SEZ6L: variants seen among roughly 807,000 people sequenced by gnomAD.
SEZ6L encodes the protein seizure 6-like protein.
A neutral mutation model predicts 106.2 loss-of-function variants in SEZ6L; 37 were observed. The observed-to-expected ratio is 0.35, with a 90% confidence interval of 0.27 to 0.46. The LOEUF is 0.46. Ranked by LOEUF, SEZ6L falls within the 20% of genes least tolerant of loss-of-function variation. SEZ6L has a pLI of 1.00. For missense variants in SEZ6L, 1,172 were observed against 1,332.8 expected, an observed-to-expected ratio of 0.88 and a Z score of 1.88; for synonymous variants, 541 against 570.4, an observed-to-expected ratio of 0.95 and a Z score of 0.73.
chr22:26,286,510 A>G (rs941340457), intron 1 of SEZ6L, among the ~76,000 whole-genome samples: 3 of 152,214 alleles, frequency 2.0e-5, no homozygotes, highest in African/African-American at 7.2e-5. Flanking sequence ...TCTGCATTGC[A>G]ATTTGTTTTA....
At chr22:26,222,216 G>A (rs1357838664) in intron 1 of SEZ6L, among the ~76,000 whole-genome samples, 1 of 152,140 alleles carries the variant, frequency 6.6e-6, no homozygotes, top group African/African-American at 2.4e-5. Flanking sequence ...GCATGCTCAG[G>A]GAACTGCTGC....
intron 10 of SEZ6L, among the ~76,000 whole-genome samples, chr22:26,346,724 A>G (rs865836721): frequency 3.9e-5 from 6 of 152,282 alleles, no homozygotes; most frequent in African/African-American, 2.4e-5. Flanking sequence ...TTCTCTTCCC[A>G]TGGGTCTCTC....
intron 11 of SEZ6L, among the ~76,000 whole-genome samples, chr22:26,348,646 A>AAGAAAGAAAG (rs1556371589): frequency 1.6e-3 from 12 of 7,690 alleles, no homozygotes; most frequent in Admixed American, 9.2e-3. Context: ...GAAAGAAAGA[A>AAGAAAGAAAG]AAAGAAAGAA....
intron 1 of SEZ6L, among the ~76,000 whole-genome samples, chr22:26,229,187 G>A (rs2145740954): frequency 6.6e-6 from 1 of 152,208 alleles, no homozygotes; most frequent in African/African-American, 2.4e-5. Context: ...ACTAGAGTCG[G>A]GGTTTCACCG....
At chr22:26,364,249 C>T (rs543420794) in intron 12 of SEZ6L, among the ~76,000 whole-genome samples, 2 of 151,972 alleles carry the variant, frequency 1.3e-5, no homozygotes, top group South Asian at 4.2e-4. Context: ...CCATTCCATC[C>T]AGGTGCTGAA....
chr22:26,255,553 T>A (rs2079784335), intron 1 of SEZ6L, among the ~76,000 whole-genome samples: 1 of 152,200 alleles, frequency 6.6e-6, no homozygotes, highest in Admixed American at 6.5e-5. Context: ...CCCTGAGAAA[T>A]CCTTCATGAC....
chr22:26,294,321 G>A lies in SEZ6L; in HGVS notation c.865G>A (p.Glu289Lys). The change falls in exon 3 of 17, where the codon GAG (glutamate) becomes AAG (lysine). Residue 289 changes from glutamate to lysine, a missense_variant. Physicochemically the swap from Glu to Lys is moderately conservative, Grantham distance 56. Transcript: ENST00000248933. ...CTGCAGTGTGAGCTTCTCCAATCCT[G>A]AGGGGTACATTGACTCCAGCGACTA... ...ALCSVSFSNP[E>K]GYIDSSDYPL... 1.2e-6 allele frequency: 2 copies of A among 1,614,106 alleles called. 1 individual carries two copies. The highest frequency in any genetic ancestry group is 2.7e-5 in the African/African-American group (2 of 75,028).
chr22:26,340,692 T>C lies in SEZ6L; in HGVS notation c.2212+60T>C, dbSNP rs2082802319. The C allele has an allele frequency of 8.4e-6, 12 of 1,436,516 alleles. 1 individual carries two copies. In the South Asian group the frequency reaches 1.2e-4, roughly 14 times the overall value. 89.0% of individuals were successfully genotyped at this position (1,436,516 alleles called of 1,614,324 possible). A position where few individuals can be genotyped will look rare whatever the true frequency, so the allele number is the denominator to read the frequency against. On this transcript the variant is annotated intron_variant, in intron 10 of 16. Transcript: ENST00000248933. Reference sequence around the variant, plus strand: ...TGTGTTTAGATACAGGTTAAGGTGGTTTCCTCTAGGTTATTTGGCAGTTTT... The same window carrying C: ...TGTGTTTAGATACAGGTTAAGGTGGCTTCCTCTAGGTTATTTGGCAGTTTT...
chr22:26,284,711 G>A (rs2080881994), intron 1 of SEZ6L, among the ~76,000 whole-genome samples: 1 of 151,164 alleles, frequency 6.6e-6, no homozygotes, highest in African/African-American at 2.4e-5. Flanking sequence ...GAACGTAGGA[G>A]AGAAGTGCTT....
At chr22:26,233,074 G>C (rs889138351) in intron 1 of SEZ6L, among the ~76,000 whole-genome samples, 2 of 152,230 alleles carry the variant, frequency 1.3e-5, no homozygotes, top group Admixed American at 6.5e-5. Flanking sequence ...TTCAAAACCC[G>C]AAGACCATTT....
chr22:26,216,218 A>G (rs2078295376), intron 1 of SEZ6L, among the ~76,000 whole-genome samples: 1 of 152,146 alleles, frequency 6.6e-6, no homozygotes, highest in South Asian at 2.1e-4. Context: ...GTGGTCAGTT[A>G]GTGGAGGAGC....
chr22:26,225,491 G>T (rs1329907466), intron 1 of SEZ6L, among the ~76,000 whole-genome samples: 2 of 152,154 alleles, frequency 1.3e-5, no homozygotes, highest in Non-Finnish European at 2.9e-5. Flanking sequence ...ACATAGAAGG[G>T]AAAACACAGT....
At chr22:26,174,429 T>C (rs1327383460) in intron 1 of SEZ6L, among the ~76,000 whole-genome samples, 1 of 152,022 alleles carries the variant, frequency 6.6e-6, no homozygotes, top group Non-Finnish European at 1.5e-5. Flanking sequence ...AAAAAAAAGA[T>C]AATCTGTCGG....
At chr22:26,253,910 T>C (rs1195682896) in intron 1 of SEZ6L, 1 of 152,206 alleles carries the variant, frequency 6.6e-6, no homozygotes, top group Non-Finnish European at 1.5e-5. Context: ...TCATTCAAAG[T>C]TTTAGTCTTA....
chr22:26,273,369 G>A (rs1200155246), intron 1 of SEZ6L, among the ~76,000 whole-genome samples: 1 of 152,252 alleles, frequency 6.6e-6, no homozygotes, highest in Non-Finnish European at 1.5e-5. Flanking sequence ...CCACTCTGAG[G>A]ACCATTAAAT....
Position 26,224,734 on chromosome 22 carries a change from G to A in SEZ6L, c.94+54971G>A, listed in dbSNP as rs372166852. ...GGCAGGAAGTGCTAATAGACTGGCTGTGGAGGGTAAAGGAGAAGGTAGGCA... is the reference window on the plus strand; with the variant it reads ...GGCAGGAAGTGCTAATAGACTGGCTATGGAGGGTAAAGGAGAAGGTAGGCA... On this transcript the variant is annotated intron_variant, in intron 1 of 16. Transcript: ENST00000248933. Among the ~76,000 whole-genome samples the A allele has an allele frequency of 6.8e-4, 103 of 152,284 alleles. 1 individual carries two copies. The highest frequency in any genetic ancestry group is 2.4e-3 in the African/African-American group (99 of 41,568).
intron 1 of SEZ6L, among the ~76,000 whole-genome samples, chr22:26,285,927 G>C (rs2080920789): frequency 6.6e-6 from 1 of 152,170 alleles, no homozygotes; most frequent in South Asian, 2.1e-4. Context: ...CCTTTACTGG[G>C]CAGTTTGTAA....
intron 7 of SEZ6L, among the ~76,000 whole-genome samples, chr22:26,311,493 A>G (rs1269440543): frequency 6.6e-6 from 1 of 152,222 alleles, no homozygotes; most frequent in Non-Finnish European, 1.5e-5. Context: ...AAGGATCCAT[A>G]TAGGATGTGG....
In SEZ6L at chr22:26,380,137, A is replaced by C. The variant is rs2084367083; in HGVS notation, c.3046-129A>C. 27 of 745,392 alleles carry C rather than the reference A, an allele frequency of 3.6e-5. No homozygotes were observed. The South Asian group carries it at 4.3e-4, about 12-fold the overall frequency. 46.2% of individuals were successfully genotyped at this position (745,392 alleles called of 1,614,324 possible). ...CCATTGGCAAAAGCAAATCAGGGTCAGAGTGGGAGGGCACTGAAAAGTCAC... is the reference window on the plus strand; with the variant it reads ...CCATTGGCAAAAGCAAATCAGGGTCCGAGTGGGAGGGCACTGAAAAGTCAC... On this transcript the variant is annotated intron_variant, in intron 16 of 16. Transcript: ENST00000248933.
Sources: gnomAD v4.1 joint callset for allele counts (sites outside exome capture counted in the v4.1 genomes callset) on GRCh38, gnomAD v4.1.1 for gene constraint, MANE v1.5 for transcripts, NCBI Gene and HGNC (gene_info 2026-07-23, HGNC 2026-07-21) for gene names.